Variants in PDGFD observed in about 807,000 individuals in gnomAD.
PDGFD encodes platelet derived growth factor D, also known as platelet-derived growth factor D.
A neutral mutation model predicts 44.7 loss-of-function variants in PDGFD; 30 were observed. The observed-to-expected ratio is 0.67, with a 90% CI of 0.50 to 0.91. The LOEUF (loss-of-function observed/expected upper bound fraction) is 0.91, where lower values mean the gene tolerates loss of function less well. PDGFD is among the 40% of genes least tolerant of loss of function. The pLI is 0.00. For missense variants in PDGFD, 445 were observed against 457.8 expected (o/e 0.97, Z 0.25); for synonymous variants, 173 against 168.4 (o/e 1.03, Z -0.21).
At chr11:104,035,663 C>T (rs985374380) in intron 1 of PDGFD, among the ~76,000 whole-genome samples, 2 of 145,246 alleles carry the variant, frequency 1.4e-5, no homozygotes, top group Non-Finnish European at 3.0e-5. Context: ...ATTGGCTCAA[C>T]TAATTTTTTT....
At chr11:104,092,216 T>C (rs1232040111) in intron 1 of PDGFD, among the ~76,000 whole-genome samples, 5 of 152,192 alleles carry the variant, frequency 3.3e-5, no homozygotes, top group Admixed American at 2.0e-4. Flanking sequence ...CTACATCATG[T>C]GGTCTCCCAA....
chr11:104,040,267 C>T (rs1416319827), intron 1 of PDGFD, among the ~76,000 whole-genome samples: 2 of 151,804 alleles, frequency 1.3e-5, no homozygotes, highest in Non-Finnish European at 2.9e-5. Flanking sequence ...GTTTCTTTGG[C>T]CATATTCCAA....
intron 1 of PDGFD, among the ~76,000 whole-genome samples, chr11:104,150,124 T>C (rs946105903): frequency 6.6e-6 from 1 of 152,102 alleles, no homozygotes; most frequent in African/African-American, 2.4e-5. Flanking sequence ...AACAAATTTT[T>C]ATGGAATTAA....
chr11:104,023,001 A>G (rs914227829), intron 1 of PDGFD, among the ~76,000 whole-genome samples: 1 of 152,164 alleles, frequency 6.6e-6, no homozygotes, highest in Non-Finnish European at 1.5e-5. Flanking sequence ...CCAAGGAACA[A>G]AACATATACA....
intron 1 of PDGFD, among the ~76,000 whole-genome samples, chr11:104,012,885 G>A (rs968106335): frequency 6.6e-6 from 1 of 152,194 alleles, no homozygotes; most frequent in Non-Finnish European, 1.5e-5. Context: ...TGGACAAGAG[G>A]CAGGGAAATA....
intron 1 of PDGFD, among the ~76,000 whole-genome samples, chr11:104,119,945 A>G (rs1049211859): frequency 1.5e-5 from 2 of 137,822 alleles, no homozygotes; most frequent in Non-Finnish European, 3.1e-5. Flanking sequence ...ATTATATAAT[A>G]TATAAGTTAT....
At chr11:104,143,179 TTTTG>T (rs1862112118) in intron 1 of PDGFD, among the ~76,000 whole-genome samples, 1 of 152,208 alleles carries the variant, frequency 6.6e-6, no homozygotes, top group Admixed American at 6.5e-5. Flanking sequence ...TTTAAATGTT[TTTTG>T]TTTGTTTAAT....
At chr11:103,918,916 T>G (rs1306080443) in intron 6 of PDGFD, among the ~76,000 whole-genome samples, 1 of 152,164 alleles carries the variant, frequency 6.6e-6, no homozygotes, top group Non-Finnish European at 1.5e-5. Flanking sequence ...CTGGTCACCT[T>G]TAAAGGGAAG....
rs1861144216 is a variant in PDGFD, at chr11:104,087,198, T to TTTA, written c.124+76605_124+76606insTAA. On this transcript the variant is annotated intron_variant, in intron 1 of 6. Transcript: ENST00000393158. ...TGCAGGCCACCACAACTGGCTAATT[T>TTTA]TTTTTTTTTTTTTTGAGACAGAGTC... 3.4e-5 allele frequency among the ~76,000 whole-genome samples: 5 copies of TTTA among 147,508 alleles called. No individual in the cohort carries two copies. In the South Asian group the frequency reaches 1.1e-3, roughly 32 times the overall value.
intron 1 of PDGFD, among the ~76,000 whole-genome samples, chr11:104,086,670 T>C (rs781278032): frequency 6.6e-6 from 1 of 152,212 alleles, no homozygotes; most frequent in Non-Finnish European, 1.5e-5. Flanking sequence ...TAGATAAACG[T>C]ATCACCCAAA....
intron 1 of PDGFD, among the ~76,000 whole-genome samples, chr11:104,150,164 A>C (rs1171390241): frequency 6.6e-6 from 1 of 152,222 alleles, no homozygotes; most frequent in Non-Finnish European, 1.5e-5. Context: ...CCAACAAATG[A>C]ATAAATGACA....
chr11:104,033,703 C>T (rs1860167245), intron 1 of PDGFD, among the ~76,000 whole-genome samples: 1 of 151,976 alleles, frequency 6.6e-6, no homozygotes, highest in Non-Finnish European at 1.5e-5. Flanking sequence ...GTTTTAAGAA[C>T]AAATTGTACA....
chr11:103,992,968 T>C (rs1241765005), intron 3 of PDGFD, among the ~76,000 whole-genome samples: 7 of 152,144 alleles, frequency 4.6e-5, no homozygotes, highest in Non-Finnish European at 1.0e-4. Flanking sequence ...GAGAGGTAGA[T>C]ATGAGAAGGG....
At position 104,134,461 on chromosome 11, in the gene PDGFD, T is replaced by G. The variant is rs930186217; in HGVS notation, c.124+29343A>C. Among the ~76,000 whole-genome samples, 9 of 152,274 alleles carry G rather than the reference T, an allele frequency of 5.9e-5. No individual in the cohort carries two copies. The South Asian group carries it at 6.2e-4, about 11-fold the overall frequency. Reference sequence around the variant, plus strand: ...GGAGAATAAACCTCAAAAAAAAAGCTTAATTAATTCAAGTCATACAGCTTC... The same window carrying G: ...GGAGAATAAACCTCAAAAAAAAAGCGTAATTAATTCAAGTCATACAGCTTC... On this transcript the variant is annotated intron_variant, in intron 1 of 6. Coordinates refer to ENST00000393158, the MANE Select transcript of PDGFD (RefSeq NM_025208.5).
chr11:103,918,501 G>A (rs754799575), intron 6 of PDGFD, among the ~76,000 whole-genome samples: 1 of 152,128 alleles, frequency 6.6e-6, no homozygotes, highest in Non-Finnish European at 1.5e-5. Flanking sequence ...GAGCTTTGTC[G>A]ATTTGCTTTC....
rs933612659 is a variant in PDGFD at position 104,127,650 on chromosome 11, G to A, written c.124+36154C>T. Among the ~76,000 whole-genome samples, 35 of 152,012 alleles carry A rather than the reference G, an allele frequency of 2.3e-4. 1 individual carries two copies. Among genetic ancestry groups the A allele is most frequent in the Non-Finnish European group, 1.3e-4 (9 of 67,994 alleles). On this transcript the variant is annotated intron_variant, in intron 1 of 6. Coordinates refer to ENST00000393158, the MANE Select transcript of PDGFD (RefSeq NM_025208.5). The stretch of plus-strand genomic sequence containing the variant: ...TTTTGCAAGCAATGAAAATTATTAC[G>A]ACTTATTCAAAATGTGTGTTTATGT...
At chr11:103,916,458 G>C (rs1437699961) in intron 6 of PDGFD, among the ~76,000 whole-genome samples, 1 of 152,210 alleles carries the variant, frequency 6.6e-6, no homozygotes, top group Non-Finnish European at 1.5e-5. Context: ...GAGAGGATGT[G>C]GAGAAATAGG....
At chr11:103,914,933 C>T (rs1482077578) in intron 6 of PDGFD, among the ~76,000 whole-genome samples, 3 of 152,082 alleles carry the variant, frequency 2.0e-5, no homozygotes, top group South Asian at 2.1e-4. Flanking sequence ...AACTAGGTAT[C>T]GATGGAATGT....
At chr11:104,055,663 G>A (rs2134409733) in intron 1 of PDGFD, among the ~76,000 whole-genome samples, 1 of 152,214 alleles carries the variant, frequency 6.6e-6, no homozygotes, top group East Asian at 1.9e-4. Flanking sequence ...TTTTTTACTT[G>A]GAGATACCTT....
Sources: allele counts gnomAD v4.1 joint callset (sites outside exome capture counted in the v4.1 genomes callset), GRCh38; gene constraint gnomAD v4.1.1; transcripts MANE v1.5; gene names NCBI Gene and HGNC (gene_info 2026-07-23, HGNC 2026-07-21).